Variants in SPATS2 observed in about 807,000 individuals in gnomAD.
SPATS2 encodes spermatogenesis-associated serine-rich protein 2.
SPATS2 carries 38 observed loss-of-function variants against 63.7 expected under a neutral mutation model. The ratio of observed to expected loss-of-function variants is 0.60; its 90% CI spans 0.46 to 0.78. The LOEUF (loss-of-function observed/expected upper bound fraction) is 0.78, where lower values mean the gene tolerates loss of function less well. Among genes scored for constraint, SPATS2 ranks in the 30% least tolerant of loss-of-function variants. The pLI, the probability that SPATS2 is intolerant of heterozygous loss-of-function variation, is 0.00. For missense variants in SPATS2, 588 were observed against 666.2 expected (o/e 0.88, Z 1.29); for synonymous variants, 207 against 232.9 (o/e 0.89, Z 1.01).
intron 2 of SPATS2, among the ~76,000 whole-genome samples, chr12:49,374,805 A>G (rs1396056477): frequency 2.0e-5 from 3 of 152,038 alleles, no homozygotes; most frequent in East Asian, 3.9e-4. Flanking sequence ...TACTAAAAAT[A>G]CAAAAATTAG....
chr12:49,483,849 G>A (rs927658504), intron 3 of SPATS2, among the ~76,000 whole-genome samples: 2 of 152,184 alleles, frequency 1.3e-5, no homozygotes, highest in African/African-American at 4.8e-5. Context: ...GATTCCCTAG[G>A]TGGTAAGTAT....
At chr12:49,420,240 A>G (rs901163060) in intron 2 of SPATS2, among the ~76,000 whole-genome samples, 2 of 152,216 alleles carry the variant, frequency 1.3e-5, no homozygotes, top group African/African-American at 4.8e-5. Context: ...GTTATCTACC[A>G]CATGTTATAT....
chr12:49,400,472 A>G (rs1380971682), intron 2 of SPATS2, among the ~76,000 whole-genome samples: 1 of 152,204 alleles, frequency 6.6e-6, no homozygotes, highest in Non-Finnish European at 1.5e-5. Flanking sequence ...ATGAGGATGC[A>G]CCAGTAGAGA....
chr12:49,448,431 G>A lies in SPATS2; in HGVS notation c.-243-12339G>A, dbSNP rs193098461. On this transcript the variant is annotated intron_variant, in intron 2 of 13. Coordinates refer to ENST00000552918, the MANE Select transcript of SPATS2 (RefSeq NM_023071.4). ...TGGGATTACAGGCGTGAGCCACCACGCCTGGCTATTATGTTTTTATTTTCT... is the reference window on the plus strand; with the variant it reads ...TGGGATTACAGGCGTGAGCCACCACACCTGGCTATTATGTTTTTATTTTCT... 3.4e-3 allele frequency among the ~76,000 whole-genome samples: 513 copies of A among 151,916 alleles called. 11 individuals carry two copies. The highest frequency in any genetic ancestry group is 0.03 in the Admixed American group (461 of 15,274).
chr12:49,389,784 C>T, intron 2 of SPATS2: 1 of 1,183,544 alleles, frequency 8.4e-7, no homozygotes, highest in Admixed American at 1.7e-5. Context: ...GCGTACATCC[C>T]TGGAAGAACA....
intron 4 of SPATS2, among the ~76,000 whole-genome samples, chr12:49,485,234 T>C (rs1369542681): frequency 6.6e-6 from 1 of 151,372 alleles, no homozygotes; most frequent in Admixed American, 6.6e-5. Flanking sequence ...GCCCGGCTAA[T>C]TTTTTGTATT....
chr12:49,526,078 G>A lies in SPATS2; in HGVS notation c.1461G>A (p.Arg487=), dbSNP rs1662301207. 1.9e-6 allele frequency: 3 copies of A among 1,614,206 alleles called. No individual in the cohort carries two copies. Among genetic ancestry groups the A allele is most frequent in the Non-Finnish European group, 2.5e-6 (3 of 1,180,048 alleles). The part of the protein sequence containing the change: ...RNSSWYSSGS[R]YQSAPSQAPG... Reference sequence around the variant, plus strand: ...GCTCGTGGTATTCATCTGGTTCCAGGTATCAGAGTGCTCCATCTCAGGCAC... The same window carrying A: ...GCTCGTGGTATTCATCTGGTTCCAGATATCAGAGTGCTCCATCTCAGGCAC... The change falls in exon 14 of 14, where the codon AGG becomes AGA. Residue 487 remains arginine (R), a synonymous_variant. Transcript: ENST00000552918.
chr12:49,525,364 A>G (rs1489177484), intron 13 of SPATS2, among the ~76,000 whole-genome samples: 1 of 152,258 alleles, frequency 6.6e-6, no homozygotes, highest in African/African-American at 2.4e-5. Context: ...TGTTTGAAGA[A>G]TAAACACAAG....
chr12:49,525,968 G>A lies in SPATS2; in HGVS notation c.1351G>A (p.Gly451Arg). Residue 451 changes from glycine (G) to arginine (R), a missense_variant, in exon 14 of 14, where the codon GGA becomes AGA. By Grantham distance (125) the Gly-to-Arg change is moderately radical. Coordinates refer to ENST00000552918, the MANE Select transcript of SPATS2 (RefSeq NM_023071.4). ...GGTATTGCCAGGGAACAGACGAGGA[G>A]GACAGGGCTATAGGCCACAAGGCCA... is the stretch of plus-strand genomic sequence containing the variant. ...REVLPGNRRGGQGYRPQGQKS... is the reference protein window; with the variant it reads ...REVLPGNRRGRQGYRPQGQKS... 6.2e-7 allele frequency: 1 copy of A among 1,614,224 alleles called. No individual in the cohort carries two copies. The highest frequency in any genetic ancestry group is 8.5e-7 in the Non-Finnish European group (1 of 1,180,026).
intron 2 of SPATS2, among the ~76,000 whole-genome samples, chr12:49,428,098 A>G (rs965102258): frequency 4.6e-5 from 7 of 152,120 alleles, no homozygotes; most frequent in African/African-American, 1.7e-4. Flanking sequence ...TACTAAAAAT[A>G]CAGAAAATTA....
chr12:49,420,855 T>G (rs895689358), intron 2 of SPATS2, among the ~76,000 whole-genome samples: 1 of 151,760 alleles, frequency 6.6e-6, no homozygotes, highest in Non-Finnish European at 1.5e-5. Flanking sequence ...AAATAATAAT[T>G]AGAAACAAAA....
intron 3 of SPATS2, among the ~76,000 whole-genome samples, chr12:49,477,308 A>T (rs1330926622): frequency 1.3e-5 from 2 of 152,184 alleles, no homozygotes; most frequent in Non-Finnish European, 2.9e-5. Context: ...TCTTGATTTA[A>T]GTGCTTTGTC....
At chr12:49,490,252 A>G (rs1946361009) in intron 5 of SPATS2, 1 of 155,330 alleles carries the variant, frequency 6.4e-6, no homozygotes, top group Non-Finnish European at 1.4e-5. Context: ...ATCTTTTTAA[A>G]AAATAATGTT....
chr12:49,472,479 A>G (rs1946051722), intron 3 of SPATS2, among the ~76,000 whole-genome samples: 1 of 151,598 alleles, frequency 6.6e-6, no homozygotes, highest in South Asian at 2.1e-4. Flanking sequence ...ATGGGAGAAG[A>G]AACTTGGATT....
chr12:49,386,307 G>A (rs1944317823), intron 2 of SPATS2, among the ~76,000 whole-genome samples: 1 of 151,786 alleles, frequency 6.6e-6, no homozygotes, highest in Admixed American at 6.6e-5. Flanking sequence ...GGGATTACAG[G>A]CGTGCGCCAC....
At position 49,367,596 on chromosome 12, in the gene SPATS2, A is replaced by G. The variant is rs371448597; in HGVS notation, c.-307+9A>G. 5.1e-3 allele frequency: 1,773 copies of G among 345,350 alleles called. 25 individuals carry two copies. Among genetic ancestry groups the G allele is most frequent in the African/African-American group, 0.031 (1,435 of 46,288 alleles). 21.4% of individuals were successfully genotyped at this position (345,350 alleles called of 1,614,324 possible). A position where few individuals can be genotyped will look rare whatever the true frequency, so the allele number is the denominator to read the frequency against. ...GCGGGGGCCTGGGCTAGGTGAGGCT[A>G]AGGGTGCTGGGTGGCGGGGTTGGCG... On this transcript the variant is annotated intron_variant, in intron 1 of 13. Transcript: ENST00000552918.
intron 2 of SPATS2, among the ~76,000 whole-genome samples, chr12:49,457,527 G>A (rs923820073): frequency 2.6e-5 from 4 of 151,806 alleles, no homozygotes; most frequent in African/African-American, 7.3e-5. Flanking sequence ...TCCGCCTCCC[G>A]GGTTCAAGCA....
chr12:49,413,090 G>A (rs1944826360), intron 2 of SPATS2, among the ~76,000 whole-genome samples: 1 of 148,520 alleles, frequency 6.7e-6, no homozygotes, highest in Non-Finnish European at 1.5e-5. Context: ...CCTTAGTAAG[G>A]AACAAAACAA....
rs140095928 is a variant in SPATS2 at position 49,483,970 on chromosome 12, G to A, written c.26-620G>A. Among the ~76,000 whole-genome samples the A allele has an allele frequency of 2.6e-5, 4 of 152,296 alleles. No individual in the cohort carries two copies. In the East Asian group the frequency reaches 7.7e-4, roughly 29 times the overall value. On this transcript the variant is annotated intron_variant, in intron 3 of 13. Coordinates refer to ENST00000552918, the MANE Select transcript of SPATS2 (RefSeq NM_023071.4). Reference sequence around the variant, plus strand: ...GAAGTAATTTATTGATCACATAGGGGTAAAGAAACTGATTAAATTTGCACA... The same window carrying A: ...GAAGTAATTTATTGATCACATAGGGATAAAGAAACTGATTAAATTTGCACA...
Sources: gnomAD v4.1 joint callset for allele counts (sites outside exome capture counted in the v4.1 genomes callset) on GRCh38, gnomAD v4.1.1 for gene constraint, MANE v1.5 for transcripts, NCBI Gene and HGNC (gene_info 2026-07-23, HGNC 2026-07-21) for gene names.